Variants in USP9X observed in about 807,000 individuals in gnomAD.
USP9X encodes the protein ubiquitin specific peptidase 9 X-linked.
USP9X carries 7 observed loss-of-function variants against 190.3 expected under a neutral mutation model. The observed-to-expected ratio is 0.04, with a 90% CI of 0.02 to 0.07. The LOEUF is 0.07. USP9X is among the 10% of genes least tolerant of loss of function. The probability of loss-of-function intolerance (pLI) is 1.00; values close to 1 mark genes in which losing one functional copy is unlikely to be tolerated. For missense variants in USP9X, 1,010 were observed against 1,916.9 expected, an observed-to-expected ratio of 0.53 and a Z score of 8.83; for synonymous variants, 645 against 659.5, an observed-to-expected ratio of 0.98 and a Z score of 0.34.
intron 1 of USP9X, among the ~76,000 whole-genome samples, chrX:41,100,957 A>ACC (rs1461124950): frequency 1.8e-5 from 2 of 111,109 alleles, no homozygotes; most frequent in Non-Finnish European, 3.8e-5. Context: ...AAAGATGATC[A>ACC]TCCCTTGCTT....
intron 23 of USP9X, 65 bp downstream of exon 23, chrX:41,184,740 T>C (rs2062858559): frequency 3.1e-6 from 3 of 963,196 alleles, no homozygotes. Flanking sequence ...TAAAACTAAT[T>C]AGTATTTTAA....
intron 21 of USP9X, among the ~76,000 whole-genome samples, chrX:41,179,172 CAA>C (rs934056191): frequency 8.9e-6 from 1 of 112,087 alleles, no homozygotes; most frequent in African/African-American, 3.2e-5. Flanking sequence ...TCTTCTTACT[CAA>C]GATTGATTCG....
In USP9X at chrX:41,141,210, A is replaced by G; in HGVS notation, c.1015A>G (p.Ile339Val). ...KNLEIFRLKM[I>V]LRLLQISSFN... ...CTTAGAAATATTTAGGTTAAAAATGATACTTAGGTAAGATACTTACCTCTT... is the reference window on the plus strand; with the variant it reads ...CTTAGAAATATTTAGGTTAAAAATGGTACTTAGGTAAGATACTTACCTCTT... Residue 339 changes from isoleucine (I) to valine (V), a missense_variant, in exon 8 of 45, where the codon ATA becomes GTA. Physicochemically the swap from Ile to Val is conservative, Grantham distance 29. Coordinates refer to ENST00000378308, the MANE Select transcript of USP9X (RefSeq NM_001039591.3). The G allele has an allele frequency of 8.4e-7, 1 of 1,188,084 alleles. No individual in the cohort carries two copies. Among genetic ancestry groups the G allele is most frequent in the Non-Finnish European group, 1.1e-6 (1 of 884,219 alleles).
chrX:41,180,613 A>C (rs1177404603), intron 21 of USP9X, among the ~76,000 whole-genome samples: 2 of 112,343 alleles, frequency 1.8e-5, no homozygotes, highest in African/African-American at 6.5e-5. Context: ...CGTTAAACAT[A>C]AGTTTCATAG....
chrX:41,104,372 A>G (rs899668541), intron 1 of USP9X, among the ~76,000 whole-genome samples: 2 of 112,428 alleles, frequency 1.8e-5, no homozygotes, highest in African/African-American at 3.2e-5. Flanking sequence ...CACACGGCCT[A>G]TACCTTTAAC....
intron 21 of USP9X, among the ~76,000 whole-genome samples, chrX:41,178,616 C>T (rs1230486866): frequency 9.0e-6 from 1 of 111,545 alleles, no homozygotes; most frequent in Non-Finnish European, 1.9e-5. Context: ...GATATTAACC[C>T]CTTGTCAGAT....
At chrX:41,197,331 T>TCCGCC in intron 28 of USP9X, 33 bp from the exon 29 acceptor site, 5 of 486,765 alleles carry the variant, frequency 1.0e-5, no homozygotes, top group Non-Finnish European at 1.2e-5. Flanking sequence ...TTTGATTTCT[T>TCCGCC]CCCCCCCCCA....
Position 41,224,463 on chromosome X carries a change from C to T in USP9X, c.6752-279C>T, listed in dbSNP as rs781103127. Among the ~76,000 whole-genome samples, 4 of 108,558 alleles carry T rather than the reference C, an allele frequency of 3.7e-5. No individual in the cohort carries two copies. In the South Asian group the frequency reaches 1.6e-3, roughly 44 times the overall value. 94.3% of individuals were successfully genotyped at this position (108,558 alleles called of 115,157 possible). A position where few individuals can be genotyped will look rare whatever the true frequency, so the allele number is the denominator to read the frequency against. On this transcript the variant is annotated intron_variant, in intron 39 of 44. Coordinates refer to ENST00000378308, the MANE Select transcript of USP9X (RefSeq NM_001039591.3). ...CAGCCTGGCAAACATGGCAAAACCC[C>T]GTCTCTACAAAAATACAAAAAAATT...
chrX:41,181,435 C>CAT (rs1194811241), intron 21 of USP9X, among the ~76,000 whole-genome samples: 2 of 38,572 alleles, frequency 5.2e-5, no homozygotes, highest in Non-Finnish European at 1.1e-4. Flanking sequence ...CCACACCTGA[C>CAT]TTTTTTTTTT....
At chrX:41,137,880 ACT>A (rs1491510526) in intron 6 of USP9X, among the ~76,000 whole-genome samples, 10 of 110,211 alleles carry the variant, frequency 9.1e-5, no homozygotes, top group African/African-American at 3.3e-4. Context: ...TTTAAATTTT[ACT>A]TTTTTTTTTT....
Position 41,170,121 on chromosome X carries a change from T to C in USP9X, c.2763T>C (p.Asn921=). The C allele has an allele frequency of 8.3e-7, 1 of 1,211,803 alleles. No homozygotes were observed. Among genetic ancestry groups the C allele is most frequent in the Non-Finnish European group, 1.1e-6 (1 of 895,561 alleles). Residue 921 remains asparagine, a synonymous_variant, in exon 19 of 45, where the codon AAT becomes AAC. Transcript: ENST00000378308. Reference sequence around the variant, plus strand: ...GTTCAGTACGACGATGTATTCTCAATCGTATTAAAGCCAACGTAGCCCATA... The same window carrying C: ...GTTCAGTACGACGATGTATTCTCAACCGTATTAAAGCCAACGTAGCCCATA... The part of the protein sequence containing the change: ...TIGSVRRCIL[N]RIKANVAHTK...
chrX:41,158,154 A>G (rs762101113), intron 14 of USP9X, among the ~76,000 whole-genome samples: 9 of 111,146 alleles, frequency 8.1e-5, no homozygotes, highest in East Asian at 2.8e-4. Flanking sequence ...GGGGACCAAC[A>G]TTAATTTTAA....
chrX:41,175,603 A>C (rs2062767520), intron 21 of USP9X, among the ~76,000 whole-genome samples: 1 of 111,248 alleles, frequency 9.0e-6, no homozygotes, highest in Admixed American at 9.5e-5. Context: ...CTGTTTCTCC[A>C]AGGAGGCCTG....
chrX:41,193,241 G>A (rs2062953309), intron 26 of USP9X, among the ~76,000 whole-genome samples: 1 of 111,211 alleles, frequency 9.0e-6, no homozygotes, highest in Non-Finnish European at 1.9e-5. Flanking sequence ...TAAGTGAGAT[G>A]GGAATCTTTC....
chrX:41,215,069 TCTC>T (rs1322139620), intron 34 of USP9X, among the ~76,000 whole-genome samples: 2 of 112,034 alleles, frequency 1.8e-5, no homozygotes, highest in African/African-American at 6.5e-5. Context: ...GGAAAACATT[TCTC>T]CTGTCATGTC....
At chrX:41,156,840 T>C (rs1021155372) in intron 14 of USP9X, among the ~76,000 whole-genome samples, 8 of 111,425 alleles carry the variant, frequency 7.2e-5, no homozygotes, top group Non-Finnish European at 9.4e-5. Flanking sequence ...AAATGGAGAT[T>C]TGGGTGATGA....
intron 1 of USP9X, among the ~76,000 whole-genome samples, chrX:41,116,333 T>A (rs1401627807): frequency 8.9e-6 from 1 of 112,593 alleles, no homozygotes; most frequent in Non-Finnish European, 1.9e-5. Context: ...ATTGAATGAT[T>A]TGAATAATTA....
At chrX:41,125,396 G>T (rs1303973448) in intron 2 of USP9X, among the ~76,000 whole-genome samples, 1 of 106,511 alleles carries the variant, frequency 9.4e-6, no homozygotes, top group African/African-American at 3.4e-5. Flanking sequence ...TTTTTTTTAA[G>T]TGGAGGAATT....
intron 6 of USP9X, among the ~76,000 whole-genome samples, chrX:41,138,501 C>T (rs1478697297): frequency 9.0e-6 from 1 of 111,607 alleles, no homozygotes; most frequent in African/African-American, 3.3e-5. Context: ...GTGTTTTATT[C>T]GGAATATTTT....
Sources: allele counts gnomAD v4.1 joint callset (sites outside exome capture counted in the v4.1 genomes callset), GRCh38; gene constraint gnomAD v4.1.1; transcripts MANE v1.5; gene names NCBI Gene and HGNC (gene_info 2026-07-23, HGNC 2026-07-21).